Variants in NAALADL2 observed in about 807,000 individuals in gnomAD.
NAALADL2 encodes the protein N-acetylated alpha-linked acidic dipeptidase like 2.
NAALADL2 carries 76 observed loss-of-function variants against 87.2 expected under a neutral mutation model. The observed-to-expected ratio is 0.87, with a 90% CI of 0.72 to 1.05. The LOEUF (loss-of-function observed/expected upper bound fraction) is 1.05, where lower values mean the gene tolerates loss of function less well. Ranked by LOEUF, NAALADL2 falls within the 50% of genes least tolerant of loss-of-function variation. NAALADL2 has a pLI of 0.00. For missense variants in NAALADL2, 1,089 were observed against 945.8 expected, an observed-to-expected ratio of 1.15 and a Z score of -1.99; for synonymous variants, 354 against 331.0, an observed-to-expected ratio of 1.07 and a Z score of -0.75.
intron 2 of NAALADL2, among the ~76,000 whole-genome samples, chr3:175,202,281 G>A (rs9825017): frequency 0.023 from 3,467 of 152,140 alleles, 123 homozygotes; most frequent in African/African-American, 0.078. Flanking sequence ...GGTAATGGTG[G>A]TCTCCAGACA....
rs1170171470 is a variant in NAALADL2 at position 175,810,048 on chromosome 3, A to G, written c.*6845A>G. On this transcript the variant is annotated 3_prime_UTR_variant, in exon 14 of 14. Transcript: ENST00000454872. ...TAGCCTTGTTCAAAATGATTTGATT[A>G]TCATCTGGATTCAGAAATCTTTTCA... 1.3e-5 allele frequency: 2 copies of G among 152,070 alleles called. No individual in the cohort carries two copies. The highest frequency in any genetic ancestry group is 1.3e-4 in the Admixed American group (2 of 15,240). 9.4% of individuals were successfully genotyped at this position (152,070 alleles called of 1,614,324 possible).
At chr3:174,626,088 AT>A (rs34520470) in intron 2 of NAALADL2, among the ~76,000 whole-genome samples, 5,485 of 138,806 alleles carry the variant, frequency 0.04, 169 homozygotes, top group African/African-American at 0.1. Flanking sequence ...ATAACTATAG[AT>A]TTTTTTTTTT....
intron 9 of NAALADL2, among the ~76,000 whole-genome samples, chr3:175,501,629 G>C (rs139679901): frequency 6.6e-6 from 1 of 152,012 alleles, no homozygotes; most frequent in South Asian, 2.1e-4. Context: ...GTGATTGAAG[G>C]TCTGATAAAT....
chr3:174,825,984 G>A (rs112472959), intron 3 of NAALADL2, among the ~76,000 whole-genome samples: 20,843 of 151,936 alleles, frequency 0.14, 1,806 homozygotes, highest in African/African-American at 0.24. Flanking sequence ...CCGAGATGGC[G>A]CCACTGCACT....
Position 175,526,631 on chromosome 3 carries a change from C to T in NAALADL2, c.1654-49410C>T, listed in dbSNP as rs551742621. Among the ~76,000 whole-genome samples the T allele has an allele frequency of 3.3e-5, 5 of 151,716 alleles. No individual in the cohort carries two copies. In the South Asian group the frequency reaches 1.0e-3, roughly 32 times the overall value. ...TTAAAATGGGAGGTTTGTTAAGAAACTGGCCAGAGGTGAGGTGGGGGGTGG... is the reference window on the plus strand; with the variant it reads ...TTAAAATGGGAGGTTTGTTAAGAAATTGGCCAGAGGTGAGGTGGGGGGTGG... On this transcript the variant is annotated intron_variant, in intron 9 of 13. Coordinates refer to ENST00000454872, the MANE Select transcript of NAALADL2 (RefSeq NM_207015.3).
intron 5 of NAALADL2, among the ~76,000 whole-genome samples, chr3:175,343,243 T>C (rs777288292): frequency 8.5e-5 from 13 of 152,066 alleles, no homozygotes; most frequent in Admixed American, 5.3e-4. Context: ...TAACAAACTA[T>C]ATATAGTTAT....
chr3:174,964,849 G>C (rs1276064547), intron 1 of NAALADL2, among the ~76,000 whole-genome samples: 3 of 150,974 alleles, frequency 2.0e-5, no homozygotes, highest in Non-Finnish European at 2.9e-5. Flanking sequence ...ATTTGTGTTT[G>C]TGTGTGTATA....
At chr3:174,675,021 A>C (rs1002252995) in intron 2 of NAALADL2, among the ~76,000 whole-genome samples, 19 of 152,026 alleles carry the variant, frequency 1.2e-4, no homozygotes, top group Non-Finnish European at 2.9e-5. Context: ...CTAGTTTTCA[A>C]GATGTGATGT....
rs971062936 is a variant in NAALADL2 at position 175,517,056 on chromosome 3, T to G, written c.1653+45298T>G. Among the ~76,000 whole-genome samples, 31 of 152,214 alleles carry G rather than the reference T, an allele frequency of 2.0e-4. 1 individual carries two copies. Among genetic ancestry groups the G allele is most frequent in the Admixed American group, 2.0e-3 (31 of 15,280 alleles). On this transcript the variant is annotated intron_variant, in intron 9 of 13. Coordinates refer to ENST00000454872, the MANE Select transcript of NAALADL2 (RefSeq NM_207015.3). ...CAGTACAATAAAATAGTCTTTAATT[T>G]GTGTTTATGTAGTAGTATTTTTAAT... is the stretch of plus-strand genomic sequence containing the variant.
At chr3:174,747,835 C>A (rs1734415827) in intron 3 of NAALADL2, among the ~76,000 whole-genome samples, 1 of 151,960 alleles carries the variant, frequency 6.6e-6, no homozygotes, top group African/African-American at 2.4e-5. Context: ...AATATTAAAT[C>A]ATTCTATTAT....
At chr3:174,788,547 C>G (rs1288755105) in intron 3 of NAALADL2, among the ~76,000 whole-genome samples, 1 of 152,088 alleles carries the variant, frequency 6.6e-6, no homozygotes, top group Non-Finnish European at 1.5e-5. Flanking sequence ...CTGTTTGTGT[C>G]CTAATCTCTT....
At chr3:174,974,814 G>A (rs1020112571) in intron 1 of NAALADL2, among the ~76,000 whole-genome samples, 1 of 152,106 alleles carries the variant, frequency 6.6e-6, no homozygotes, top group Non-Finnish European at 1.5e-5. Flanking sequence ...GAAAGAGGGA[G>A]AGAGAGGCAA....
At chr3:175,698,365 A>ACT (rs1738349409) in intron 11 of NAALADL2, among the ~76,000 whole-genome samples, 1 of 87,910 alleles carries the variant, frequency 1.1e-5, no homozygotes, top group Admixed American at 1.1e-4. Flanking sequence ...GTATGTGTAT[A>ACT]TATGTATGTG....
intron 3 of NAALADL2, among the ~76,000 whole-genome samples, chr3:174,836,965 A>C (rs1723405908): frequency 6.6e-6 from 1 of 152,050 alleles, no homozygotes; most frequent in Non-Finnish European, 1.5e-5. Flanking sequence ...ATAAAACGAT[A>C]TATGCCACAA....
chr3:174,790,094 T>G (rs1007008242), intron 3 of NAALADL2, among the ~76,000 whole-genome samples: 1 of 152,174 alleles, frequency 6.6e-6, no homozygotes, highest in African/African-American at 2.4e-5. Context: ...CTAAGACAAT[T>G]TTATGCATTC....
At chr3:175,383,220 A>ATGT (rs1056529828) in intron 5 of NAALADL2, among the ~76,000 whole-genome samples, 1 of 151,952 alleles carries the variant, frequency 6.6e-6, no homozygotes, top group Non-Finnish European at 1.5e-5. Context: ...TTTGAAATAC[A>ATGT]TGTTGTTGTT....
At chr3:174,560,729 G>A (rs1578172969) in intron 2 of NAALADL2, among the ~76,000 whole-genome samples, 1 of 152,070 alleles carries the variant, frequency 6.6e-6, no homozygotes, top group East Asian at 1.9e-4. Context: ...TTTACCGTGT[G>A]CCTTTTTTCT....
At chr3:174,884,813 C>T (rs1729864289) in intron 1 of NAALADL2, among the ~76,000 whole-genome samples, 1 of 152,126 alleles carries the variant, frequency 6.6e-6, no homozygotes, top group South Asian at 2.1e-4. Flanking sequence ...TATAGCACAC[C>T]TCCTCAGAGG....
chr3:174,875,660 TAAGA>T (rs897926195), intron 1 of NAALADL2, among the ~76,000 whole-genome samples: 7 of 152,064 alleles, frequency 4.6e-5, no homozygotes, highest in African/African-American at 1.4e-4. Context: ...TCTTATTTTC[TAAGA>T]AAGAAAAAAA....
Sources: gnomAD v4.1 joint callset for allele counts (sites outside exome capture counted in the v4.1 genomes callset) on GRCh38, gnomAD v4.1.1 for gene constraint, MANE v1.5 for transcripts, NCBI Gene and HGNC (gene_info 2026-07-23, HGNC 2026-07-21) for gene names.